The following CCDC7 variants were observed in gnomAD, a reference collection of about 807,000 sequenced individuals.
The protein encoded by CCDC7 is coiled-coil domain-containing protein 7.
CCDC7 carries 183 observed loss-of-function variants against 196.9 expected under a neutral mutation model. The ratio of observed to expected loss-of-function variants is 0.93; its 90% CI spans 0.82 to 1.05. The LOEUF is 1.05. Among genes scored for constraint, CCDC7 ranks in the 50% least tolerant of loss-of-function variants. CCDC7 has a pLI of 0.00. For missense variants in CCDC7, 1,540 were observed against 1,482.2 expected (o/e 1.04, Z -0.64); for synonymous variants, 525 against 484.6 (o/e 1.08, Z -1.10).
intron 11 of CCDC7, among the ~76,000 whole-genome samples, chr10:32,526,463 C>T (rs540833125): frequency 1.1e-3 from 170 of 152,240 alleles, no homozygotes; most frequent in Non-Finnish European, 1.7e-3. Flanking sequence ...ACGTTTCCCC[C>T]TTATTTTCTC....
At chr10:32,744,383 A>C (rs1475043913) in intron 28 of CCDC7, among the ~76,000 whole-genome samples, 1 of 152,004 alleles carries the variant, frequency 6.6e-6, no homozygotes, top group Non-Finnish European at 1.5e-5. Flanking sequence ...GAAAAAAAAA[A>C]AAAAAGAAAC....
At chr10:32,789,182 G>A (rs2082314081) in intron 29 of CCDC7, among the ~76,000 whole-genome samples, 1 of 151,748 alleles carries the variant, frequency 6.6e-6, no homozygotes, top group African/African-American at 2.4e-5. Flanking sequence ...CAATGCATGG[G>A]CACAAGAATT....
chr10:32,688,302 C>G (rs76554403), intron 22 of CCDC7, among the ~76,000 whole-genome samples: 21,778 of 152,066 alleles, frequency 0.14, 1,901 homozygotes, highest in African/African-American at 0.25. Context: ...AAATCTCAAA[C>G]AATGTGTCAT....
chr10:32,459,255 C>T (rs2035057178), intron 3 of CCDC7, among the ~76,000 whole-genome samples: 1 of 152,070 alleles, frequency 6.6e-6, no homozygotes, highest in Non-Finnish European at 1.5e-5. Flanking sequence ...TTGAGGCCCT[C>T]CACTTAGTTG....
chr10:32,642,419 G>A (rs1009310037), intron 20 of CCDC7, among the ~76,000 whole-genome samples: 8 of 152,202 alleles, frequency 5.3e-5, no homozygotes, highest in African/African-American at 7.2e-5. Flanking sequence ...AGCAATGAGC[G>A]AGGCTCCGTG....
intron 28 of CCDC7, among the ~76,000 whole-genome samples, chr10:32,766,845 C>G (rs529315148): frequency 5.8e-4 from 88 of 152,214 alleles, no homozygotes; most frequent in African/African-American, 1.8e-3. Context: ...ATTACCTTCT[C>G]TCTCCCAGCC....
At chr10:32,716,721 A>C (rs2081641200) in intron 25 of CCDC7, among the ~76,000 whole-genome samples, 1 of 152,208 alleles carries the variant, frequency 6.6e-6, no homozygotes, top group African/African-American at 2.4e-5. Flanking sequence ...AGCAAATGGA[A>C]AACAGAAAAA....
At chr10:32,671,101 G>A (rs1324848999) in intron 21 of CCDC7, among the ~76,000 whole-genome samples, 1 of 152,136 alleles carries the variant, frequency 6.6e-6, no homozygotes, top group African/African-American at 2.4e-5. Context: ...TCAAAATTTA[G>A]TGTAACCCAA....
In CCDC7 at chr10:32,726,850, A is replaced by G. The variant is rs2083205038; in HGVS notation, c.2668+18A>G. The stretch of plus-strand genomic sequence containing the variant: ...GCGTAATAGTAAGTGTAGTAATTAT[A>G]GATGACTTTAAATTATTTTAAAATT... On this transcript the variant is annotated intron_variant, in intron 26 of 41. Coordinates refer to ENST00000639629, the Ensembl canonical transcript of CCDC7. 9.3e-6 allele frequency: 13 copies of G among 1,404,136 alleles called. No individual in the cohort carries two copies. The highest frequency in any genetic ancestry group is 1.3e-5 in the Non-Finnish European group (13 of 1,015,106). The allele number at this position is 1,404,136 out of a possible 1,614,324, so 87.0% of individuals were successfully genotyped here.
chr10:32,776,459 A>G (rs941919398), intron 28 of CCDC7, among the ~76,000 whole-genome samples: 2 of 152,034 alleles, frequency 1.3e-5, no homozygotes, highest in Admixed American at 1.3e-4. Context: ...CTCATATAAC[A>G]TACTCAGTCT....
chr10:32,613,787 A>T (rs1158750618), intron 18 of CCDC7, among the ~76,000 whole-genome samples: 4 of 152,076 alleles, frequency 2.6e-5, no homozygotes, highest in Admixed American at 6.6e-5. Flanking sequence ...GTTCTTTTGC[A>T]TTTGCTGAGG....
intron 18 of CCDC7, among the ~76,000 whole-genome samples, chr10:32,591,265 C>T (rs186428022): frequency 6.6e-5 from 10 of 151,868 alleles, no homozygotes; most frequent in African/African-American, 2.4e-4. Flanking sequence ...TTTCAAATAG[C>T]CCCTCTTGAA....
chr10:32,754,302 CA>C (rs2076085232), intron 28 of CCDC7, among the ~76,000 whole-genome samples: 1 of 151,870 alleles, frequency 6.6e-6, no homozygotes, highest in Admixed American at 6.6e-5. Flanking sequence ...GAAAAGAGCA[CA>C]AAAATAATAA....
At chr10:32,775,953 A>G (rs2079954959) in intron 28 of CCDC7, among the ~76,000 whole-genome samples, 2 of 149,814 alleles carry the variant, frequency 1.3e-5, no homozygotes. Flanking sequence ...ATGCAGCCAT[A>G]AAAAATGATG....
intron 14 of CCDC7, among the ~76,000 whole-genome samples, chr10:32,566,723 G>A (rs758636338): frequency 5.3e-5 from 8 of 151,484 alleles, no homozygotes; most frequent in South Asian, 2.1e-4. Context: ...AACAGCCTGG[G>A]CAACATAGTG....
At chr10:32,459,492 T>A (rs533238428) in intron 3 of CCDC7, among the ~76,000 whole-genome samples, 61 of 151,994 alleles carry the variant, frequency 4.0e-4, no homozygotes, top group Non-Finnish European at 7.6e-4. Flanking sequence ...AAGGAAGGGG[T>A]GGGGCAAGAC....
chr10:32,709,924 G>A (rs1762531), intron 24 of CCDC7, among the ~76,000 whole-genome samples: 150,465 of 152,272 alleles, frequency 0.99, 74,364 homozygotes, highest in Middle Eastern at 1. Flanking sequence ...AGAGACCAAG[G>A]GATCACCAGT....
intron 5 of CCDC7, among the ~76,000 whole-genome samples, chr10:32,468,506 A>G (rs2037302846): frequency 6.6e-6 from 1 of 152,170 alleles, no homozygotes; most frequent in Non-Finnish European, 1.5e-5. Flanking sequence ...TTTTCTAGAT[A>G]TAGGATTATG....
intron 28 of CCDC7, among the ~76,000 whole-genome samples, chr10:32,776,831 A>G (rs2080137466): frequency 6.6e-6 from 1 of 151,968 alleles, no homozygotes; most frequent in South Asian, 2.1e-4. Context: ...TGTAATTAGT[A>G]CTATGTACTA....
Sources: allele counts gnomAD v4.1 joint callset (sites outside exome capture counted in the v4.1 genomes callset), GRCh38; gene constraint gnomAD v4.1.1; transcripts MANE v1.5; gene names NCBI Gene and HGNC (gene_info 2026-07-23, HGNC 2026-07-21).